Variants in PHF20 observed in about 807,000 individuals in gnomAD.
PHF20 encodes the protein glioma-expressed antigen 2.
In PHF20, 23 loss-of-function variants were observed where a neutral mutation model predicts 113.5. The observed-to-expected ratio is 0.20, with a 90% confidence interval of 0.15 to 0.29. The LOEUF (loss-of-function observed/expected upper bound fraction) is 0.29. Among genes scored for constraint, PHF20 ranks in the 10% least tolerant of loss-of-function variants. PHF20 has a pLI of 1.00. For synonymous variants in PHF20, 434 were observed against 457.3 expected (o/e 0.95, Z 0.65); for missense variants, 943 against 1,219.6 (o/e 0.77, Z 3.38).
At chr20:35,908,247 C>T (rs564921615) in intron 10 of PHF20, among the ~76,000 whole-genome samples, 4 of 152,338 alleles carry the variant, frequency 2.6e-5, no homozygotes, top group South Asian at 4.1e-4. Context: ...CCTGTTGTCA[C>T]CTTGTCTACT....
chr20:35,852,961 G>A (rs1374468062), intron 4 of PHF20, among the ~76,000 whole-genome samples: 8 of 147,574 alleles, frequency 5.4e-5, no homozygotes, highest in East Asian at 4.0e-4. Context: ...GGTGGCTGAC[G>A]CCTGTAATCC....
rs762446263 is a variant in PHF20, at chr20:35,950,313, A to G, written c.*2686A>G. 6.5e-6 allele frequency: 1 copy of G among 152,676 alleles called. No homozygotes were observed. Among genetic ancestry groups the G allele is most frequent in the Non-Finnish European group, 1.5e-5 (1 of 68,042 alleles). The allele number at this position is 152,676 out of a possible 1,614,324, so 9.5% of individuals were successfully genotyped here. ...AATGTTGCTTTGAAGCAATATTTGC[A>G]AAACACGCAGACTTCTGTATCTGTA... is the stretch of plus-strand genomic sequence containing the variant. On this transcript the variant is annotated 3_prime_UTR_variant, in exon 18 of 18. Transcript: ENST00000374012.
At chr20:35,931,528 C>A in intron 15 of PHF20, 84 bp downstream of exon 15, 2 of 991,834 alleles carry the variant, frequency 2.0e-6, no homozygotes, top group Non-Finnish European at 1.5e-6. Context: ...GGAAAGCTAC[C>A]AAAGCAATCA....
intron 6 of PHF20, among the ~76,000 whole-genome samples, chr20:35,864,081 C>T (rs2054268469): frequency 6.6e-6 from 1 of 152,110 alleles, no homozygotes; most frequent in Non-Finnish European, 1.5e-5. Flanking sequence ...CAAATCAATT[C>T]AATGGCATGA....
intron 1 of PHF20, among the ~76,000 whole-genome samples, chr20:35,792,828 C>T (rs1301514198): frequency 6.6e-6 from 1 of 152,124 alleles, no homozygotes; most frequent in Non-Finnish European, 1.5e-5. Context: ...ACTTGACATC[C>T]ATTAGCTCAC....
At chr20:35,775,402 G>C (rs1360956542) in intron 1 of PHF20, among the ~76,000 whole-genome samples, 1 of 151,878 alleles carries the variant, frequency 6.6e-6, no homozygotes, top group Non-Finnish European at 1.5e-5. Flanking sequence ...TTTGTACAAG[G>C]CCATAGTCCC....
rs2056137980 is a variant in PHF20, at chr20:35,949,294, G to T, written c.*1667G>T. On this transcript the variant is annotated 3_prime_UTR_variant, in exon 18 of 18. Coordinates refer to ENST00000374012, the MANE Select transcript of PHF20 (RefSeq NM_016436.5). Reference sequence around the variant, plus strand: ...GCACGTTCAGACAGCTGCATTGTAAGAGTTCTGTCATGCAGTCTGAAAAGG... The same window carrying T: ...GCACGTTCAGACAGCTGCATTGTAATAGTTCTGTCATGCAGTCTGAAAAGG... The T allele has an allele frequency of 6.6e-6, 1 of 152,466 alleles. No individual in the cohort carries two copies. The highest frequency in any genetic ancestry group is 1.5e-5 in the Non-Finnish European group (1 of 68,050). 9.4% of individuals were successfully genotyped at this position (152,466 alleles called of 1,614,324 possible).
At chr20:35,874,136 T>A (rs965991281) in intron 9 of PHF20, among the ~76,000 whole-genome samples, 1 of 152,078 alleles carries the variant, frequency 6.6e-6, no homozygotes, top group Admixed American at 6.5e-5. Context: ...CACGCCTGGC[T>A]AAATTTTTTT....
At chr20:35,798,396 G>C (rs1393764197) in intron 1 of PHF20, among the ~76,000 whole-genome samples, 2 of 152,150 alleles carry the variant, frequency 1.3e-5, no homozygotes, top group Admixed American at 6.6e-5. Context: ...CTGAGTGACA[G>C]AGTGAGCAAG....
chr20:35,887,126 A>G (rs2054748712), intron 9 of PHF20, among the ~76,000 whole-genome samples: 1 of 152,240 alleles, frequency 6.6e-6, no homozygotes, highest in Non-Finnish European at 1.5e-5. Flanking sequence ...ATTTCAGAAA[A>G]CAATTTACAA....
intron 2 of PHF20, among the ~76,000 whole-genome samples, chr20:35,803,963 T>G (rs1469664348): frequency 2.0e-5 from 3 of 151,938 alleles, no homozygotes; most frequent in African/African-American, 4.8e-5. Flanking sequence ...CAAGTGATCC[T>G]CCTGCCTTAG....
At chr20:35,870,846 T>G (rs1386120279) in intron 7 of PHF20, 109 bp from the exon 8 acceptor site, 1 of 686,070 alleles carries the variant, frequency 1.5e-6, no homozygotes, top group Non-Finnish European at 2.4e-6. Flanking sequence ...AACATTCCAG[T>G]AGTCTCTCTG....
chr20:35,822,846 T>TAAAAA lies in PHF20; in HGVS notation c.84-19704_84-19700dup, dbSNP rs780275666. 7.2e-5 allele frequency among the ~76,000 whole-genome samples: 4 copies of TAAAAA among 55,562 alleles called. 1 individual carries two copies. The highest frequency in any genetic ancestry group is 1.0e-4 in the Non-Finnish European group (3 of 29,594). The allele number at this position is 55,562 out of a possible 152,430, so 36.5% of individuals were successfully genotyped here. ...GGGTCACAGAGCAAGACCCTGCTTC[T>TAAAAA]AAAAAAAAAAAAAAAAAAAAAAAAA... On this transcript the variant is annotated intron_variant, in intron 2 of 17. Transcript: ENST00000374012.
At chr20:35,913,120 A>T in intron 10 of PHF20, 129 bp from the exon 11 acceptor site, 2 of 524,490 alleles carry the variant, frequency 3.8e-6, no homozygotes, top group South Asian at 1.7e-5. Flanking sequence ...CTGCCTCCAG[A>T]CTGGAGCAAT....
chr20:35,906,143 G>A (rs977256841), intron 10 of PHF20, among the ~76,000 whole-genome samples: 4 of 152,126 alleles, frequency 2.6e-5, no homozygotes, highest in Admixed American at 2.6e-4. Context: ...TCTCACCCTG[G>A]GTAAACCTCA....
chr20:35,937,667 G>GA (rs1352854073), intron 15 of PHF20, among the ~76,000 whole-genome samples: 2 of 152,192 alleles, frequency 1.3e-5, no homozygotes, highest in African/African-American at 4.8e-5. Context: ...ACCTGGAAAG[G>GA]AAAGGAGGTT....
At chr20:35,892,097 G>A (rs1336069724) in intron 9 of PHF20, among the ~76,000 whole-genome samples, 7 of 150,082 alleles carry the variant, frequency 4.7e-5, no homozygotes, top group African/African-American at 1.5e-4. Flanking sequence ...TCGTTCTTTC[G>A]CCCAGTTTCA....
chr20:35,804,684 T>G (rs1320658973), intron 2 of PHF20, among the ~76,000 whole-genome samples: 2 of 151,984 alleles, frequency 1.3e-5, no homozygotes, highest in African/African-American at 4.8e-5. Context: ...TTTATTTATT[T>G]ATTATTTTTT....
At chr20:35,781,607 T>C (rs900605272) in intron 1 of PHF20, among the ~76,000 whole-genome samples, 4 of 152,212 alleles carry the variant, frequency 2.6e-5, no homozygotes, top group Non-Finnish European at 2.9e-5. Flanking sequence ...TATTAAATAA[T>C]GTTGTGCAAC....
Sources: gnomAD v4.1 joint callset for allele counts (sites outside exome capture counted in the v4.1 genomes callset) on GRCh38, gnomAD v4.1.1 for gene constraint, MANE v1.5 for transcripts, NCBI Gene and HGNC (gene_info 2026-07-23, HGNC 2026-07-21) for gene names.